The following DLGAP2 variants were observed in gnomAD, a reference collection of about 807,000 sequenced individuals.
DLGAP2 encodes DLG associated protein 2, also known as disks large-associated protein 2.
Under a neutral mutation model 100.3 loss-of-function variants are expected in DLGAP2, and 26 were observed. The ratio of observed to expected loss-of-function variants is 0.26; its 90% CI spans 0.19 to 0.36. DLGAP2 has a LOEUF of 0.36. Ranked by LOEUF, DLGAP2 falls within the 10% of genes least tolerant of loss-of-function variation. DLGAP2 has a pLI of 1.00. For missense variants in DLGAP2, 1,858 were observed against 1,453.2 expected (o/e 1.28, Z -4.53); for synonymous variants, 886 against 630.1 (o/e 1.41, Z -6.08).
intron 2 of DLGAP2, among the ~76,000 whole-genome samples, chr8:911,145 A>C (rs891900501): frequency 1.3e-5 from 2 of 152,064 alleles, no homozygotes; most frequent in South Asian, 4.1e-4. Context: ...AGCAACAGAG[A>C]CCTCTTACAC....
intron 3 of DLGAP2, among the ~76,000 whole-genome samples, chr8:1,288,128 A>C (rs1165322850): frequency 8.5e-6 from 1 of 117,866 alleles, no homozygotes; most frequent in South Asian, 2.9e-4. Context: ...GAGGGGAACT[A>C]GTTTCGGTTG....
At chr8:778,114 A>G (rs999120344) in intron 1 of DLGAP2, among the ~76,000 whole-genome samples, 1 of 151,850 alleles carries the variant, frequency 6.6e-6, no homozygotes, top group African/African-American at 2.4e-5. Context: ...CACCGCTGAT[A>G]CCCTTTCTTC....
At position 1,450,386 on chromosome 8, in the gene DLGAP2, T is replaced by C. The variant is rs4445251; in HGVS notation, c.107-50980T>C. Among the ~76,000 whole-genome samples, 154 of 38,722 alleles carry C rather than the reference T, an allele frequency of 4.0e-3. 3 individuals carry two copies. The highest frequency in any genetic ancestry group is 5.0e-3 in the African/African-American group (49 of 9,706). The allele number at this position is 38,722 out of a possible 152,430, so 25.4% of individuals were successfully genotyped here. ...TGAGGCTGAGCTGTGAGGGTGAAGA[T>C]GAGGTGGGCGGCCTCGGTGGCTGAG... On this transcript the variant is annotated intron_variant, in intron 3 of 14. Coordinates refer to ENST00000637795, the MANE Select transcript of DLGAP2 (RefSeq NM_001346810.2).
At chr8:1,304,173 C>T (rs1472698699) in intron 3 of DLGAP2, among the ~76,000 whole-genome samples, 16 of 152,202 alleles carry the variant, frequency 1.1e-4, no homozygotes, top group Admixed American at 6.5e-5. Flanking sequence ...AGCAGGCCAG[C>T]GTGTCCTTGA....
chr8:953,682 G>A (rs1045157501), intron 2 of DLGAP2, among the ~76,000 whole-genome samples: 1 of 152,196 alleles, frequency 6.6e-6, no homozygotes, highest in African/African-American at 2.4e-5. Context: ...ACAGAGTTGC[G>A]TGAAAGAAAG....
At chr8:838,155 C>T (rs966861721) in intron 1 of DLGAP2, among the ~76,000 whole-genome samples, 1 of 152,060 alleles carries the variant, frequency 6.6e-6, no homozygotes, top group Non-Finnish European at 1.5e-5. Context: ...CCTAAACATA[C>T]TTTACAATAA....
intron 1 of DLGAP2, among the ~76,000 whole-genome samples, chr8:809,974 A>G (rs1190025398): frequency 6.6e-6 from 1 of 152,206 alleles, no homozygotes; most frequent in Admixed American, 6.5e-5. Flanking sequence ...ACTGCGGTCA[A>G]GGCCCTCAGC....
At chr8:1,414,042 G>A (rs1796808520) in intron 3 of DLGAP2, among the ~76,000 whole-genome samples, 1 of 152,232 alleles carries the variant, frequency 6.6e-6, no homozygotes, top group Non-Finnish European at 1.5e-5. Context: ...TTAGTGACAT[G>A]CCTAGGAATT....
At chr8:1,244,818 G>C (rs1798869988) in intron 2 of DLGAP2, among the ~76,000 whole-genome samples, 1 of 152,164 alleles carries the variant, frequency 6.6e-6, no homozygotes, top group African/African-American at 2.4e-5. Flanking sequence ...TGTTTCAGAG[G>C]TTACCATCAA....
chr8:1,656,402 G>A (rs1166713601), intron 8 of DLGAP2, among the ~76,000 whole-genome samples: 1 of 152,090 alleles, frequency 6.6e-6, no homozygotes, highest in Non-Finnish European at 1.5e-5. Flanking sequence ...ACACAACTGT[G>A]GTAAACCTAA....
chr8:1,592,133 C>G (rs1226290907), intron 6 of DLGAP2, among the ~76,000 whole-genome samples: 3 of 152,166 alleles, frequency 2.0e-5, no homozygotes, highest in African/African-American at 7.2e-5. Context: ...GCAAGGTGCC[C>G]CAGCACACGC....
chr8:1,194,976 C>G (rs539512010), intron 2 of DLGAP2, among the ~76,000 whole-genome samples: 9 of 152,276 alleles, frequency 5.9e-5, no homozygotes, highest in Non-Finnish European at 7.4e-5. Context: ...GGCTGCACCC[C>G]CTCCGCTCTC....
intron 1 of DLGAP2, among the ~76,000 whole-genome samples, chr8:766,276 C>T (rs897384784): frequency 1.3e-4 from 20 of 152,220 alleles, no homozygotes; most frequent in Non-Finnish European, 2.1e-4. Flanking sequence ...GTGTGGGGTA[C>T]ATAACATCTG....
intron 1 of DLGAP2, among the ~76,000 whole-genome samples, chr8:872,949 C>T (rs1797626382): frequency 6.6e-6 from 1 of 152,112 alleles, no homozygotes; most frequent in South Asian, 2.1e-4. Flanking sequence ...CTATTTTTGC[C>T]TATAACCTAC....
intron 3 of DLGAP2, among the ~76,000 whole-genome samples, chr8:1,334,620 C>T (rs989116521): frequency 1.3e-5 from 2 of 152,254 alleles, no homozygotes; most frequent in African/African-American, 2.4e-5. Flanking sequence ...ATGCACCCAC[C>T]GTGGGCCATG....
intron 3 of DLGAP2, among the ~76,000 whole-genome samples, chr8:1,433,817 T>G (rs530516258): frequency 1.6e-4 from 23 of 144,268 alleles, no homozygotes; most frequent in African/African-American, 5.8e-4. Flanking sequence ...GGAATCCAAA[T>G]TTTTATTAAA....
chr8:1,519,258 C>G (rs1343183069), intron 4 of DLGAP2, among the ~76,000 whole-genome samples: 1 of 152,180 alleles, frequency 6.6e-6, no homozygotes, highest in African/African-American at 2.4e-5. Flanking sequence ...AGCGGCATGT[C>G]CCATCCTACG....
chr8:856,171 A>ATCTTCTTCT lies in DLGAP2; in HGVS notation c.19-51733_19-51725dup, dbSNP rs55832882. On this transcript the variant is annotated intron_variant, in intron 1 of 14. Coordinates refer to ENST00000637795, the MANE Select transcript of DLGAP2 (RefSeq NM_001346810.2). Reference sequence around the variant, plus strand: ...ATCCCAAAGAAGAATTAGTGGAAAAATCTTCTTCTTCTTCTTTTTTTTTTT... The same window carrying ATCTTCTTCT: ...ATCCCAAAGAAGAATTAGTGGAAAAATCTTCTTCTTCTTCTTCTTCTTCTTTTTTTTTTT... Among the ~76,000 whole-genome samples the ATCTTCTTCT allele has an allele frequency of 8.3e-3, 1,049 of 126,542 alleles. 46 individuals are homozygous for ATCTTCTTCT. The highest frequency in any genetic ancestry group is 0.027 in the East Asian group (99 of 3,636). 83.0% of individuals were successfully genotyped at this position (126,542 alleles called of 152,430 possible). A position where few individuals can be genotyped will look rare whatever the true frequency, so the allele number is the denominator to read the frequency against.
intron 2 of DLGAP2, among the ~76,000 whole-genome samples, chr8:1,096,675 G>T (rs1436494113): frequency 6.8e-6 from 1 of 146,240 alleles, no homozygotes; most frequent in Non-Finnish European, 1.5e-5. Flanking sequence ...CCCGGGGCAG[G>T]CCTTCACCCT....
Sources: gnomAD v4.1 joint callset for allele counts (sites outside exome capture counted in the v4.1 genomes callset) on GRCh38, gnomAD v4.1.1 for gene constraint, MANE v1.5 for transcripts, NCBI Gene and HGNC (gene_info 2026-07-23, HGNC 2026-07-21) for gene names.